CRPPA: variants seen among roughly 807,000 people sequenced by gnomAD.
The protein encoded by CRPPA is CDP-L-ribitol pyrophosphorylase A, also known as D-ribitol-5-phosphate cytidylyltransferase.
Under a neutral mutation model 52.0 loss-of-function variants are expected in CRPPA, and 43 were observed. The observed-to-expected ratio is 0.83, with a 90% confidence interval of 0.65 to 1.07. CRPPA has a LOEUF of 1.07. Ranked by LOEUF, CRPPA falls within the 50% of genes least tolerant of loss-of-function variation. CRPPA has a pLI of 0.00. For missense variants in CRPPA, 629 were observed against 551.7 expected, an observed-to-expected ratio of 1.14 and a Z score of -1.40; for synonymous variants, 250 against 203.5, an observed-to-expected ratio of 1.23 and a Z score of -1.94.
At chr7:16,317,272 G>A (rs188254638) in intron 3 of CRPPA, among the ~76,000 whole-genome samples, 54 of 152,246 alleles carry the variant, frequency 3.5e-4, no homozygotes, top group African/African-American at 1.1e-3. Context: ...GAAGATAAAA[G>A]TTATTATAAA....
intron 9 of CRPPA, among the ~76,000 whole-genome samples, chr7:16,115,252 T>C (rs1312112530): frequency 6.6e-6 from 1 of 152,172 alleles, no homozygotes; most frequent in African/African-American, 2.4e-5. Context: ...TTAGTACTAT[T>C]GTTTTCTAAG....
intron 2 of CRPPA, among the ~76,000 whole-genome samples, chr7:16,376,478 A>C (rs989434381): frequency 1.3e-5 from 2 of 152,148 alleles, no homozygotes; most frequent in Admixed American, 6.5e-5. Flanking sequence ...TAAGTTCAAA[A>C]TCCTTCTGAT....
At chr7:16,164,531 G>T (rs145379879) in intron 9 of CRPPA, among the ~76,000 whole-genome samples, 5 of 152,090 alleles carry the variant, frequency 3.3e-5, no homozygotes, top group African/African-American at 9.7e-5. Flanking sequence ...CTCATTCTCC[G>T]TCCAGTTTTG....
intron 4 of CRPPA, among the ~76,000 whole-genome samples, chr7:16,307,172 G>A (rs539157238): frequency 6.6e-6 from 1 of 152,222 alleles, no homozygotes; most frequent in East Asian, 1.9e-4. Flanking sequence ...AAGACTGCAA[G>A]CAATATTTCA....
chr7:16,321,665 A>G (rs1785268001), intron 3 of CRPPA, among the ~76,000 whole-genome samples: 1 of 152,152 alleles, frequency 6.6e-6, no homozygotes, highest in Non-Finnish European at 1.5e-5. Flanking sequence ...CTCAAGTTGG[A>G]TGATGTAGCA....
chr7:16,169,648 G>C (rs958842444), intron 9 of CRPPA, among the ~76,000 whole-genome samples: 4 of 152,248 alleles, frequency 2.6e-5, no homozygotes, highest in African/African-American at 9.6e-5. Flanking sequence ...CACAGCGTGA[G>C]TCTGTTGCCC....
At chr7:16,211,267 A>C (rs1782128974) in intron 9 of CRPPA, among the ~76,000 whole-genome samples, 1 of 152,352 alleles carries the variant, frequency 6.6e-6, no homozygotes, top group Non-Finnish European at 1.5e-5. Context: ...CAAATTTTTG[A>C]AAACATATTT....
At chr7:16,253,811 C>T (rs758649313) in intron 8 of CRPPA, among the ~76,000 whole-genome samples, 21 of 151,906 alleles carry the variant, frequency 1.4e-4, no homozygotes, top group South Asian at 1.2e-3. Flanking sequence ...ACCTACAGAA[C>T]GGGAGAAAAT....
intron 9 of CRPPA, among the ~76,000 whole-genome samples, chr7:16,117,004 C>A (rs897159070): frequency 6.6e-6 from 1 of 152,186 alleles, no homozygotes. Flanking sequence ...GCACTGAAAA[C>A]CAGGCCCTGC....
At chr7:16,250,588 G>T (rs1000278415) in intron 8 of CRPPA, among the ~76,000 whole-genome samples, 2 of 152,256 alleles carry the variant, frequency 1.3e-5, no homozygotes, top group Admixed American at 6.5e-5. Context: ...TTAAAGAAAA[G>T]AATTTTCAAC....
intron 2 of CRPPA, among the ~76,000 whole-genome samples, chr7:16,391,589 A>G (rs1469539381): frequency 1.3e-5 from 2 of 152,200 alleles, no homozygotes; most frequent in East Asian, 3.8e-4. Flanking sequence ...TTCAACTTAA[A>G]TAACGCTAAA....
intron 6 of CRPPA, among the ~76,000 whole-genome samples, chr7:16,272,162 A>G (rs950854953): frequency 9.2e-5 from 14 of 152,158 alleles, no homozygotes; most frequent in East Asian, 1.9e-4. Context: ...CGGAGGAGGA[A>G]AATAGCAAGA....
At chr7:16,262,733 C>G (rs1783842010) in intron 6 of CRPPA, among the ~76,000 whole-genome samples, 1 of 152,174 alleles carries the variant, frequency 6.6e-6, no homozygotes, top group Non-Finnish European at 1.5e-5. Context: ...ACTTCAGCTT[C>G]TCAATCTGCT....
intron 9 of CRPPA, among the ~76,000 whole-genome samples, chr7:16,159,448 G>C (rs946581327): frequency 1.3e-5 from 2 of 152,092 alleles, no homozygotes; most frequent in African/African-American, 2.4e-5. Flanking sequence ...GCGGTGTTTG[G>C]TTTTCTGTTC....
chr7:16,420,730 G>T (rs1788309757), intron 1 of CRPPA, among the ~76,000 whole-genome samples: 1 of 152,236 alleles, frequency 6.6e-6, no homozygotes, highest in East Asian at 1.9e-4. Flanking sequence ...GAGACTATCC[G>T]CACAGCTTCT....
At chr7:16,254,992 A>C (rs1199737774) in intron 8 of CRPPA, among the ~76,000 whole-genome samples, 1 of 152,178 alleles carries the variant, frequency 6.6e-6, no homozygotes, top group Non-Finnish European at 1.5e-5. Flanking sequence ...GAAAAGAGGA[A>C]GTCAAATTGT....
At chr7:16,296,735 C>A (rs939758876) in intron 5 of CRPPA, among the ~76,000 whole-genome samples, 2 of 152,102 alleles carry the variant, frequency 1.3e-5, no homozygotes, top group Non-Finnish European at 2.9e-5. Context: ...TACCCCAAAT[C>A]ATTTTAAAAC....
At chr7:16,136,688 G>A (rs1237071250) in intron 9 of CRPPA, among the ~76,000 whole-genome samples, 1 of 152,192 alleles carries the variant, frequency 6.6e-6, no homozygotes, top group East Asian at 1.9e-4. Flanking sequence ...CGTTAAGTAT[G>A]TGGATATAAG....
At chr7:16,254,747 CAGAA>C (rs902465491) in intron 8 of CRPPA, among the ~76,000 whole-genome samples, 12 of 51,090 alleles carry the variant, frequency 2.3e-4, no homozygotes, top group Non-Finnish European at 4.5e-4. Context: ...GAAAGAAAGA[CAGAA>C]AGAAAGAAAG....
Sources: gnomAD v4.1 joint callset for allele counts (sites outside exome capture counted in the v4.1 genomes callset) on GRCh38, gnomAD v4.1.1 for gene constraint, MANE v1.5 for transcripts, NCBI Gene and HGNC (gene_info 2026-07-23, HGNC 2026-07-21) for gene names.